CEP85L: variants seen among roughly 807,000 people sequenced by gnomAD.
CEP85L encodes centrosomal protein of 85 kDa-like.
CEP85L carries 60 observed loss-of-function variants against 100.3 expected under a neutral mutation model. The observed-to-expected ratio is 0.60, with a 90% confidence interval of 0.49 to 0.74. The LOEUF (loss-of-function observed/expected upper bound fraction) is 0.74, where lower values mean the gene tolerates loss of function less well. CEP85L is among the 30% of genes least tolerant of loss of function. The pLI, the probability that CEP85L is intolerant of heterozygous loss-of-function variation, is 0.00. For synonymous variants in CEP85L, 319 were observed against 322.7 expected (o/e 0.99, Z 0.12); for missense variants, 973 against 936.2 (o/e 1.04, Z -0.51).
At chr6:118,494,998 A>G (rs1267318219) in intron 5 of CEP85L, among the ~76,000 whole-genome samples, 1 of 152,200 alleles carries the variant, frequency 6.6e-6, no homozygotes, top group Non-Finnish European at 1.5e-5. Flanking sequence ...AAGAAATGCT[A>G]AAGATTGAGA....
rs1779447336 is a variant in CEP85L at position 118,565,524 on chromosome 6, C to G, written c.1020+5G>C. ...GGGAAGCAAACACTAGATTTTGCAC[C>G]TTACCTGCATTGGTGTTTCACTTCC... On this transcript the variant is annotated splice_donor_5th_base_variant and intron_variant, in intron 3 of 12. Coordinates refer to ENST00000368491, the MANE Select transcript of CEP85L (RefSeq NM_001042475.3). The G allele has an allele frequency of 6.2e-7, 1 of 1,613,650 alleles. No homozygotes were observed. The highest frequency in any genetic ancestry group is 1.7e-5 in the Admixed American group (1 of 59,994).
intron 2 of CEP85L, among the ~76,000 whole-genome samples, chr6:118,623,706 G>C (rs1261980160): frequency 6.6e-6 from 1 of 152,202 alleles, no homozygotes; most frequent in Non-Finnish European, 1.5e-5. Flanking sequence ...ATGAAATGCT[G>C]TATGGATGGC....
chr6:118,638,783 CA>C (rs1774681300), intron 1 of CEP85L, among the ~76,000 whole-genome samples: 1 of 151,818 alleles, frequency 6.6e-6, no homozygotes, highest in Admixed American at 6.6e-5. Context: ...CTGCGGATAA[CA>C]TTAAAAATTC....
chr6:118,613,212 GA>G (rs1453533477), intron 2 of CEP85L, among the ~76,000 whole-genome samples: 2 of 150,404 alleles, frequency 1.3e-5, no homozygotes, highest in Admixed American at 6.6e-5. Flanking sequence ...ACTCCGTCTC[GA>G]AAAAAAGAAA....
At chr6:118,566,866 C>T (rs2115002372) in intron 2 of CEP85L, among the ~76,000 whole-genome samples, 1 of 152,212 alleles carries the variant, frequency 6.6e-6, no homozygotes, top group South Asian at 2.1e-4. Flanking sequence ...ACTGTACTTA[C>T]AGGTGAAAAG....
intron 2 of CEP85L, among the ~76,000 whole-genome samples, chr6:118,626,873 T>C (rs1773831822): frequency 1.3e-5 from 2 of 152,076 alleles, no homozygotes; most frequent in Non-Finnish European, 2.9e-5. Context: ...GAGTAGTATC[T>C]AAAATATATA....
intron 3 of CEP85L, chr6:118,538,147 C>T (rs1009738104): frequency 1.7e-5 from 3 of 177,168 alleles, no homozygotes; most frequent in Non-Finnish European, 1.1e-5. Context: ...ACGTATTTCT[C>T]TAACAACAAC....
intron 1 of CEP85L, among the ~76,000 whole-genome samples, chr6:118,682,771 GCACACA>G (rs201043236): frequency 0.068 from 9,434 of 138,168 alleles, 410 homozygotes; most frequent in African/African-American, 0.11. Context: ...GCCTGAGCAT[GCACACA>G]CACACACACA....
intron 1 of CEP85L, among the ~76,000 whole-genome samples, chr6:118,707,857 G>A (rs1777646104): frequency 6.7e-6 from 1 of 148,660 alleles, no homozygotes; most frequent in Non-Finnish European, 1.5e-5. Flanking sequence ...TTATAGCCAG[G>A]AAAATAAAAA....
At chr6:118,641,232 A>T (rs1774848880) in intron 1 of CEP85L, among the ~76,000 whole-genome samples, 1 of 152,174 alleles carries the variant, frequency 6.6e-6, no homozygotes, top group Non-Finnish European at 1.5e-5. Context: ...ACAACTACTT[A>T]TCTCCTTCAA....
At chr6:118,631,814 G>C (rs912935023) in intron 2 of CEP85L, among the ~76,000 whole-genome samples, 2 of 152,188 alleles carry the variant, frequency 1.3e-5, no homozygotes, top group African/African-American at 4.8e-5. Flanking sequence ...AGGGGGCAGA[G>C]AGAGAAGTGG....
chr6:118,633,193 C>G (rs1027383196), intron 1 of CEP85L, among the ~76,000 whole-genome samples: 2 of 146,086 alleles, frequency 1.4e-5, no homozygotes, highest in Admixed American at 1.4e-4. Context: ...TTTTCCTACT[C>G]TTAGCTTGAT....
At chr6:118,682,259 A>G (rs1465693905) in intron 1 of CEP85L, among the ~76,000 whole-genome samples, 1 of 152,204 alleles carries the variant, frequency 6.6e-6, no homozygotes, top group East Asian at 1.9e-4. Context: ...AAAGAAAAAT[A>G]AAGTATGGTG....
rs200654926 is a variant in CEP85L, at chr6:118,490,158, CAG to C, written c.1437+1526_1437+1527del. ...TTCCACTTATATGAGATAAATGAAA[CAG>C]AGAGTAGACTGGTGGTTGTCAGGGA... On this transcript the variant is annotated intron_variant, in intron 6 of 12. Transcript: ENST00000368491. 5.0e-3 allele frequency among the ~76,000 whole-genome samples: 764 copies of C among 152,116 alleles called. 4 individuals are homozygous for C. Among genetic ancestry groups the C allele is most frequent in the African/African-American group, 0.017 (724 of 41,528 alleles).
intron 1 of CEP85L, among the ~76,000 whole-genome samples, chr6:118,681,191 A>G (rs1403501915): frequency 1.3e-5 from 2 of 152,244 alleles, no homozygotes; most frequent in African/African-American, 2.4e-5. Context: ...AAATTAAAAG[A>G]TGTGGATTTA....
At chr6:118,615,656 T>A (rs1421870622) in intron 2 of CEP85L, among the ~76,000 whole-genome samples, 1 of 152,194 alleles carries the variant, frequency 6.6e-6, no homozygotes, top group South Asian at 2.1e-4. Context: ...ATGCTAATAA[T>A]GTGATTAATG....
chr6:118,561,287 A>C lies in CEP85L; in HGVS notation c.1020+4242T>G, dbSNP rs967037681. On this transcript the variant is annotated intron_variant, in intron 3 of 12. Transcript: ENST00000368491. ...ACAGAAAGTATCCCTAGTCTTAAAA[A>C]CAAGTGGAAAATTTGAACTGATTAG... 3.3e-5 allele frequency among the ~76,000 whole-genome samples: 5 copies of C among 152,182 alleles called. No individual in the cohort carries two copies. In the East Asian group the frequency reaches 9.6e-4, roughly 29 times the overall value.
At chr6:118,585,354 T>C (rs532040643) in intron 2 of CEP85L, among the ~76,000 whole-genome samples, 3 of 152,324 alleles carry the variant, frequency 2.0e-5, no homozygotes, top group Admixed American at 2.0e-4. Flanking sequence ...ATCCTCAGTT[T>C]TTCTTCCATG....
chr6:118,542,900 C>CAA (rs71012391), intron 3 of CEP85L, among the ~76,000 whole-genome samples: 15,017 of 66,568 alleles, frequency 0.23, 1,840 homozygotes, highest in East Asian at 0.45. Context: ...CAAGTTTTCC[C>CAA]AAAAAAAAAA....
Sources: gnomAD v4.1 joint callset for allele counts (sites outside exome capture counted in the v4.1 genomes callset) on GRCh38, gnomAD v4.1.1 for gene constraint, MANE v1.5 for transcripts, NCBI Gene and HGNC (gene_info 2026-07-23, HGNC 2026-07-21) for gene names.